The following CPA6 variants were observed in gnomAD, a reference collection of about 807,000 sequenced individuals.
The protein encoded by CPA6 is carboxypeptidase A6, also known as carboxypeptidase B.
CPA6 carries 58 observed loss-of-function variants against 63.3 expected under a neutral mutation model. The observed-to-expected ratio is 0.92, with a 90% CI of 0.74 to 1.14. The LOEUF (loss-of-function observed/expected upper bound fraction) is 1.14. CPA6 is among the 50% of genes most tolerant of loss of function. CPA6 has a pLI of 0.00. For missense variants in CPA6, 565 were observed against 526.6 expected (o/e 1.07, Z -0.71); for synonymous variants, 185 against 179.0 (o/e 1.03, Z -0.27).
chr8:67,543,204 A>G (rs1812743113), intron 2 of CPA6, among the ~76,000 whole-genome samples: 1 of 152,228 alleles, frequency 6.6e-6, no homozygotes, highest in South Asian at 2.1e-4. Flanking sequence ...CAGCAAAGCC[A>G]CTTATATTCT....
At chr8:67,660,928 A>T (rs1404592867) in intron 1 of CPA6, among the ~76,000 whole-genome samples, 1 of 152,170 alleles carries the variant, frequency 6.6e-6, no homozygotes, top group Non-Finnish European at 1.5e-5. Context: ...CTGTTGACCT[A>T]TATGGCTTCC....
chr8:67,596,299 A>C (rs1231106550), intron 2 of CPA6, among the ~76,000 whole-genome samples: 1 of 152,186 alleles, frequency 6.6e-6, no homozygotes, highest in Non-Finnish European at 1.5e-5. Flanking sequence ...TATATGCTTA[A>C]AAGTTGGCAT....
intron 1 of CPA6, among the ~76,000 whole-genome samples, chr8:67,673,609 G>A (rs1244741569): frequency 1.3e-5 from 2 of 150,864 alleles, no homozygotes; most frequent in South Asian, 4.2e-4. Context: ...AGCCAGGATG[G>A]TCTCAATCTC....
intron 2 of CPA6, among the ~76,000 whole-genome samples, chr8:67,558,903 G>A (rs1813132164): frequency 6.6e-6 from 1 of 152,106 alleles, no homozygotes. Context: ...TGTCAAATAA[G>A]CAAAAATTTA....
At chr8:67,719,537 G>T (rs1162198421) in intron 1 of CPA6, among the ~76,000 whole-genome samples, 2 of 152,134 alleles carry the variant, frequency 1.3e-5, no homozygotes, top group Non-Finnish European at 2.9e-5. Flanking sequence ...GAGTTGCCCT[G>T]GTCCACTGAA....
chr8:67,609,120 G>T (rs952573357), intron 2 of CPA6, among the ~76,000 whole-genome samples: 4 of 152,162 alleles, frequency 2.6e-5, no homozygotes, highest in African/African-American at 7.2e-5. Context: ...CTTCTGTGAG[G>T]CTTGTAGTCT....
chr8:67,609,757 C>T (rs567206902), intron 2 of CPA6, among the ~76,000 whole-genome samples: 4 of 152,328 alleles, frequency 2.6e-5, no homozygotes, highest in Middle Eastern at 3.4e-3. Flanking sequence ...CACGGTGGCT[C>T]ATGCCTGTAA....
intron 1 of CPA6, among the ~76,000 whole-genome samples, chr8:67,685,487 C>G (rs1028203169): frequency 6.6e-6 from 1 of 152,110 alleles, no homozygotes; most frequent in Admixed American, 6.5e-5. Flanking sequence ...GGCATGGTGG[C>G]GGGCGCCTGT....
At chr8:67,551,419 A>AT (rs780299407) in intron 2 of CPA6, among the ~76,000 whole-genome samples, 2 of 152,160 alleles carry the variant, frequency 1.3e-5, no homozygotes, top group Non-Finnish European at 2.9e-5. Flanking sequence ...TTTTGGCCAC[A>AT]GTAGCCTTAT....
At chr8:67,457,281 T>G (rs1810697321) in intron 8 of CPA6, among the ~76,000 whole-genome samples, 1 of 152,238 alleles carries the variant, frequency 6.6e-6, no homozygotes. Context: ...CCTAGCATAC[T>G]GCTCTTAAAA....
chr8:67,741,976 T>G (rs1313410538), intron 1 of CPA6, among the ~76,000 whole-genome samples: 1 of 152,174 alleles, frequency 6.6e-6, no homozygotes, highest in Non-Finnish European at 1.5e-5. Context: ...ACACATTGTA[T>G]AGTAATTTGA....
At chr8:67,714,543 A>T (rs921528830) in intron 1 of CPA6, among the ~76,000 whole-genome samples, 1 of 152,028 alleles carries the variant, frequency 6.6e-6, no homozygotes, top group African/African-American at 2.4e-5. Context: ...TAGAAAAGTT[A>T]AAAAAAATCA....
intron 1 of CPA6, among the ~76,000 whole-genome samples, chr8:67,689,956 A>T (rs946357381): frequency 1.3e-5 from 2 of 152,088 alleles, no homozygotes; most frequent in African/African-American, 4.8e-5. Context: ...TCACTTTTTC[A>T]TAATGGCCAT....
At chr8:67,480,811 T>C (rs1811341915) in intron 8 of CPA6, among the ~76,000 whole-genome samples, 1 of 152,152 alleles carries the variant, frequency 6.6e-6, no homozygotes, top group South Asian at 2.1e-4. Flanking sequence ...CCCAGTTTTT[T>C]TACACCCTCA....
At chr8:67,525,185 T>G (rs531692680) in intron 2 of CPA6, among the ~76,000 whole-genome samples, 1 of 152,310 alleles carries the variant, frequency 6.6e-6, no homozygotes, top group African/African-American at 2.4e-5. Flanking sequence ...TAATTTTACA[T>G]AGGCCCATCC....
At chr8:67,442,929 A>G (rs904236500) in intron 8 of CPA6, among the ~76,000 whole-genome samples, 3 of 152,116 alleles carry the variant, frequency 2.0e-5, no homozygotes, top group African/African-American at 7.2e-5. Context: ...CTTTGGCTTG[A>G]TGCATCCCCA....
At chr8:67,675,663 C>T (rs757980727) in intron 1 of CPA6, among the ~76,000 whole-genome samples, 24 of 152,266 alleles carry the variant, frequency 1.6e-4, no homozygotes, top group Admixed American at 5.2e-4. Flanking sequence ...ATTATCACAA[C>T]GAAAGGCCAG....
chr8:67,475,817 CCTTTCTTTTCTTTCTTTCTTTCTTT>C (rs1811180850), intron 8 of CPA6, among the ~76,000 whole-genome samples: 1 of 31,510 alleles, frequency 3.2e-5, no homozygotes, highest in African/African-American at 1.5e-4. Flanking sequence ...TTCTTTCTTT[CCTTTCTTTTCTTTCTTTCTTTCTTT>C]CTTTCTTTCT....
At chr8:67,575,882 T>C (rs568853950) in intron 2 of CPA6, among the ~76,000 whole-genome samples, 48 of 149,438 alleles carry the variant, frequency 3.2e-4, no homozygotes, top group African/African-American at 1.2e-3. Flanking sequence ...TCAACATGGA[T>C]GGAATTGGAA....
Sources: allele counts gnomAD v4.1 joint callset (sites outside exome capture counted in the v4.1 genomes callset), GRCh38; gene constraint gnomAD v4.1.1; transcripts MANE v1.5; gene names NCBI Gene and HGNC (gene_info 2026-07-23, HGNC 2026-07-21).